IMPG2: variants seen among roughly 807,000 people sequenced by gnomAD.
The protein encoded by IMPG2 is IPM 200.
In IMPG2, 91 loss-of-function variants were observed where a neutral mutation model predicts 129.2. The ratio of observed to expected loss-of-function variants is 0.70; its 90% CI spans 0.59 to 0.84. The LOEUF is 0.84. Ranked by LOEUF, IMPG2 falls within the 40% of genes least tolerant of loss-of-function variation. The pLI, the probability that IMPG2 is intolerant of heterozygous loss-of-function variation, is 0.00. For synonymous variants in IMPG2, 510 were observed against 517.7 expected (o/e 0.99, Z 0.20); for missense variants, 1,430 against 1,461.7 (o/e 0.98, Z 0.35).
intron 8 of IMPG2, among the ~76,000 whole-genome samples, chr3:101,269,113 G>T (rs1170484029): frequency 6.6e-6 from 1 of 152,170 alleles, no homozygotes; most frequent in Non-Finnish European, 1.5e-5. Context: ...TTTAAAACAA[G>T]GACTAATGCA....
intron 2 of IMPG2, among the ~76,000 whole-genome samples, chr3:101,306,944 A>G (rs779976185): frequency 3.9e-5 from 6 of 152,220 alleles, no homozygotes; most frequent in Non-Finnish European, 8.8e-5. Context: ...AATAAAAATG[A>G]GTAGGCAAAC....
At chr3:101,257,458 G>A in intron 10 of IMPG2, 71 bp downstream of exon 10, 2 of 1,570,510 alleles carry the variant, frequency 1.3e-6, no homozygotes, top group Non-Finnish European at 1.7e-6. Flanking sequence ...TATATTTCAG[G>A]AAATTAGTTT....
rs1348705620 is a variant in IMPG2, at chr3:101,223,891, C to T, written c.*3078G>A. ...CGGTGGCTCATGCCTGTAATCCCAG[C>T]ACTTTGGGAGGCCAAGGCAGGTGGA... On this transcript the variant is annotated 3_prime_UTR_variant, in exon 19 of 19. Coordinates refer to ENST00000193391, the MANE Select transcript of IMPG2 (RefSeq NM_016247.4). 1 of 152,242 alleles carries T rather than the reference C, an allele frequency of 6.6e-6. No homozygotes were observed. The highest frequency in any genetic ancestry group is 2.4e-5 in the African/African-American group (1 of 41,438). 9.4% of individuals were successfully genotyped at this position (152,242 alleles called of 1,614,324 possible).
chr3:101,310,179 A>G (rs1439264417), intron 2 of IMPG2, among the ~76,000 whole-genome samples: 1 of 152,214 alleles, frequency 6.6e-6, no homozygotes, highest in Non-Finnish European at 1.5e-5. Flanking sequence ...GAAAGTAAAC[A>G]AATATTGAGC....
At chr3:101,256,100 AAGAAAGAAAGAAAGAAAAAGAAAGAG>A (rs1706596177) in intron 10 of IMPG2, among the ~76,000 whole-genome samples, 2 of 139,196 alleles carry the variant, frequency 1.4e-5, no homozygotes, top group African/African-American at 5.0e-5. Context: ...GAAAGAAGGA[AAGAAAGAAAGAAAGAAAAAGAAAGAG>A]AGAAAGAAAG....
intron 2 of IMPG2, among the ~76,000 whole-genome samples, chr3:101,306,253 A>G (rs1309023802): frequency 1.3e-5 from 2 of 152,308 alleles, no homozygotes; most frequent in Non-Finnish European, 2.9e-5. Flanking sequence ...TTCAATTCTA[A>G]TTGTCCAATA....
chr3:101,319,620 C>G lies in IMPG2; in HGVS notation c.298G>C (p.Ala100Pro). 2 of 1,613,680 alleles carry G rather than the reference C, an allele frequency of 1.2e-6. No homozygotes were observed. Among genetic ancestry groups the G allele is most frequent in the Non-Finnish European group, 8.5e-7 (1 of 1,179,786 alleles). ...AAATACTTCACATGATTTGCCACAG[C>G]CTCTGCAACACTTTCATCTGGGCAG... ...KICPDESVAE[A>P]VANHVKYFKV... The change falls in exon 2 of 19, where the codon GCT (alanine) becomes CCT (proline). Residue 100 changes from alanine (A) to proline (P), a missense_variant. Transcript: ENST00000193391.
chr3:101,284,434 G>A (rs766945105), intron 4 of IMPG2, among the ~76,000 whole-genome samples: 154 of 152,236 alleles, frequency 1.0e-3, no homozygotes, highest in Middle Eastern at 3.4e-3. Flanking sequence ...CCTTCCCAGA[G>A]AGTAGAGAAC....
chr3:101,242,598 T>C, intron 14 of IMPG2, 90 bp downstream of exon 14: 2 of 967,392 alleles, frequency 2.1e-6, no homozygotes, highest in Non-Finnish European at 3.4e-6. Context: ...CCTGCAAGTA[T>C]TGGATTCACC....
At position 101,229,429 on chromosome 3, in the gene IMPG2, C is replaced by T. The variant is rs770732537; in HGVS notation, c.3584G>A (p.Ser1195Asn). The change falls in exon 17 of 19, where the codon AGC (serine) becomes AAC (asparagine). Residue 1195 changes from serine (S) to asparagine (N), a missense_variant. By Grantham distance (46) the Ser-to-Asn change is conservative. Transcript: ENST00000193391. ...ATACATCTGTCTGATTTCTTCTCTG[C>T]TCAGCCCACCAATCACGTCTCCGCT... ...SASGDVIGGLSREEIRQMYES... is the reference protein window; with the variant it reads ...SASGDVIGGLNREEIRQMYES... 2.5e-6 allele frequency: 4 copies of T among 1,612,464 alleles called. No homozygotes were observed. The South Asian group carries it at 4.4e-5, about 18-fold the overall frequency.
chr3:101,242,098 GGAGAGAGA>G (rs143913320), intron 14 of IMPG2, among the ~76,000 whole-genome samples: 1 of 150,530 alleles, frequency 6.6e-6, no homozygotes, highest in African/African-American at 2.4e-5. Context: ...TTACATTTAT[GGAGAGAGA>G]GAGAGAGAGA....
Position 101,304,305 on chromosome 3 carries a change from C to T in IMPG2, c.342G>A (p.Gln114=). 1 of 1,613,760 alleles carries T rather than the reference C, an allele frequency of 6.2e-7. No individual in the cohort carries two copies. The stretch of plus-strand genomic sequence containing the variant: ...TCCTGAAGGCTTCCCAGACAGCTTC[C>T]TGACACACTAGAAAATAGAGAGGTG... ...HVKYFKVRVC[Q]EAVWEAFRTF... is the part of the protein sequence containing the mutation. Residue 114 remains glutamine, a synonymous_variant, in exon 3 of 19, where the codon CAG becomes CAA. Transcript: ENST00000193391.
chr3:101,297,084 T>C (rs867655267), intron 3 of IMPG2, among the ~76,000 whole-genome samples: 1 of 152,152 alleles, frequency 6.6e-6, no homozygotes, highest in African/African-American at 2.4e-5. Context: ...TAATTTTTTG[T>C]ATTTTAGTAG....
At chr3:101,234,658 T>C (rs1430944195) in intron 14 of IMPG2, among the ~76,000 whole-genome samples, 1 of 152,228 alleles carries the variant, frequency 6.6e-6, no homozygotes, top group Non-Finnish European at 1.5e-5. Flanking sequence ...GGTATTCGTT[T>C]TGTGACTTTG....
chr3:101,279,214 T>C (rs1706868691), intron 4 of IMPG2, among the ~76,000 whole-genome samples: 1 of 152,242 alleles, frequency 6.6e-6, no homozygotes, highest in Non-Finnish European at 1.5e-5. Context: ...TGTCATACAC[T>C]GCTAAGTGCT....
In IMPG2 at chr3:101,269,649, T is replaced by C. The variant is rs149593165; in HGVS notation, c.829-76A>G. ...ATATAGAAAATAATGCTTTTAAGAG[T>C]AGAATAAAAAGTGAACTGTTCACAA... On this transcript the variant is annotated intron_variant, in intron 7 of 18. Transcript: ENST00000193391. The C allele has an allele frequency of 3.4e-3, 3,033 of 896,376 alleles. 14 individuals are homozygous for C. The highest frequency in any genetic ancestry group is 4.4e-3 in the Non-Finnish European group (2,422 of 546,264). 55.5% of individuals were successfully genotyped at this position (896,376 alleles called of 1,614,324 possible). A position where few individuals can be genotyped will look rare whatever the true frequency, so the allele number is the denominator to read the frequency against.
intron 12 of IMPG2, among the ~76,000 whole-genome samples, chr3:101,245,156 A>T (rs1706462273): frequency 6.6e-6 from 1 of 152,086 alleles, no homozygotes; most frequent in South Asian, 2.1e-4. Flanking sequence ...TTCTCTTTGA[A>T]TTCTCATTTT....
At chr3:101,288,095 T>C (rs1375681259) in intron 4 of IMPG2, among the ~76,000 whole-genome samples, 1 of 151,988 alleles carries the variant, frequency 6.6e-6, no homozygotes, top group Non-Finnish European at 1.5e-5. Flanking sequence ...AAGACACTTC[T>C]CAAAAGAAGA....
chr3:101,242,750 C>G lies in IMPG2; in HGVS notation c.2960G>C (p.Cys987Ser). The G allele has an allele frequency of 6.2e-7, 1 of 1,613,990 alleles. No homozygotes were observed. The highest frequency in any genetic ancestry group is 8.5e-7 in the Non-Finnish European group (1 of 1,179,920). Residue 987 changes from cysteine to serine, a missense_variant, in exon 14 of 19, where the codon TGT becomes TCT. Coordinates refer to ENST00000193391, the MANE Select transcript of IMPG2 (RefSeq NM_016247.4). ...GTTCATGGTATTGTAGGCAGTGGTA[C>G]AAAAGTCTTCCAGAATCATGTACAC... ...NAVYMILEDF[C>S]TTAYNTMNLA...
Sources: allele counts gnomAD v4.1 joint callset (sites outside exome capture counted in the v4.1 genomes callset), GRCh38; gene constraint gnomAD v4.1.1; transcripts MANE v1.5; gene names NCBI Gene and HGNC (gene_info 2026-07-23, HGNC 2026-07-21).